Variants in STRN3 observed in about 807,000 individuals in gnomAD.
STRN3 encodes striatin 3, also known as striatin-3.
In STRN3, 29 loss-of-function variants were observed where a neutral mutation model predicts 95.6. That is an observed-to-expected ratio of 0.30 (90% confidence interval 0.23 to 0.41). STRN3 has a LOEUF of 0.41. Ranked by LOEUF, STRN3 falls within the 10% of genes least tolerant of loss-of-function variation. The probability of loss-of-function intolerance (pLI) is 1.00; values close to 1 mark genes in which losing one functional copy is unlikely to be tolerated. For missense variants in STRN3, 890 were observed against 972.1 expected (o/e 0.92, Z 1.12); for synonymous variants, 331 against 357.6 (o/e 0.93, Z 0.84).
At chr14:30,962,080 T>A (rs978139984) in intron 1 of STRN3, among the ~76,000 whole-genome samples, 3 of 152,138 alleles carry the variant, frequency 2.0e-5, no homozygotes, top group African/African-American at 7.2e-5. Context: ...GATGTGGAGG[T>A]AGAAGACAAT....
chr14:30,976,117 G>A (rs1881091955), intron 1 of STRN3, among the ~76,000 whole-genome samples: 1 of 152,036 alleles, frequency 6.6e-6, no homozygotes, highest in African/African-American at 2.4e-5. Context: ...AATCAAAAGA[G>A]ACTGTTGTAG....
At chr14:30,969,369 G>A (rs1163839363) in intron 1 of STRN3, among the ~76,000 whole-genome samples, 1 of 151,936 alleles carries the variant, frequency 6.6e-6, no homozygotes, top group African/African-American at 2.4e-5. Context: ...CCCGGGAGGC[G>A]GAGCTTGCAA....
chr14:31,001,080 T>C (rs187194290), intron 1 of STRN3, among the ~76,000 whole-genome samples: 67 of 152,288 alleles, frequency 4.4e-4, no homozygotes, highest in African/African-American at 1.6e-3. Flanking sequence ...CCTAGCTGTG[T>C]TGGATGCTTC....
chr14:30,895,444 T>C lies in STRN3; in HGVS notation c.2361A>G (p.Ala787=), dbSNP rs1437217746. 1 of 1,612,122 alleles carries C rather than the reference T, an allele frequency of 6.2e-7. No homozygotes were observed. The part of the protein sequence containing the change: ...FHSSKAYIAS[A]GADALAKVFV ...ATACTTTGGCAAGAGCATCAGCTCC[T>C]GCACTAGCTATATATGCTTTTGACG... Residue 787 remains alanine, a synonymous_variant, in exon 18 of 18, where the codon GCA becomes GCG. Coordinates refer to ENST00000357479, the MANE Select transcript of STRN3 (RefSeq NM_001083893.2).
chr14:31,003,873 G>A (rs1372427068), intron 1 of STRN3, among the ~76,000 whole-genome samples: 1 of 151,266 alleles, frequency 6.6e-6, no homozygotes, highest in East Asian at 1.9e-4. Flanking sequence ...AGTTGGCTAG[G>A]AATGGTGGTT....
intron 1 of STRN3, chr14:31,018,460 CCTGA>C (rs1323812443): frequency 4.8e-6 from 2 of 419,924 alleles, no homozygotes; most frequent in African/African-American, 4.1e-5. Context: ...CACACCTCCT[CCTGA>C]CTGTCACCGT....
At chr14:30,993,151 T>G (rs1187222977) in intron 1 of STRN3, among the ~76,000 whole-genome samples, 2 of 151,916 alleles carry the variant, frequency 1.3e-5, no homozygotes, top group East Asian at 3.9e-4. Flanking sequence ...GTCCCAGCTA[T>G]TATACTTGGC....
intron 7 of STRN3, among the ~76,000 whole-genome samples, chr14:30,934,179 C>T (rs1878701869): frequency 6.6e-6 from 1 of 152,128 alleles, no homozygotes; most frequent in African/African-American, 2.4e-5. Flanking sequence ...CAAAGAGTAG[C>T]TGGGTGTGGT....
intron 1 of STRN3, among the ~76,000 whole-genome samples, chr14:30,962,972 A>G (rs1363231872): frequency 6.6e-6 from 1 of 152,200 alleles, no homozygotes; most frequent in Non-Finnish European, 1.5e-5. Context: ...ACATAGCCCA[A>G]GTGCAGGCTA....
At chr14:30,917,459 T>G (rs1252849472) in intron 9 of STRN3, among the ~76,000 whole-genome samples, 1 of 151,942 alleles carries the variant, frequency 6.6e-6, no homozygotes, top group South Asian at 2.1e-4. Context: ...GCACTTTAAA[T>G]GTACATTAAT....
In STRN3 at chr14:31,026,193, G is replaced by A. The variant is rs1431298886; in HGVS notation, c.-8C>T. 3.5e-6 allele frequency: 5 copies of A among 1,429,010 alleles called. No homozygotes were observed. The highest frequency in any genetic ancestry group is 3.1e-5 in the Admixed American group (1 of 32,610). The allele number at this position is 1,429,010 out of a possible 1,614,324, so 88.5% of individuals were successfully genotyped here. On this transcript the variant is annotated 5_prime_UTR_variant, in exon 1 of 18. Coordinates refer to ENST00000357479, the MANE Select transcript of STRN3 (RefSeq NM_001083893.2). ...TCCGGCAAGCTCGTCCATTGTGTGT[G>A]GGGCCCCGGCCGGGGCGCAGGGCGA...
chr14:30,928,999 A>G (rs550232624), intron 8 of STRN3, among the ~76,000 whole-genome samples: 1 of 152,290 alleles, frequency 6.6e-6, no homozygotes, highest in Admixed American at 6.5e-5. Flanking sequence ...CCCTTCTCAT[A>G]TATTTTAAAT....
At chr14:31,000,998 C>T (rs1232095938) in intron 1 of STRN3, among the ~76,000 whole-genome samples, 6 of 152,070 alleles carry the variant, frequency 3.9e-5, no homozygotes, top group South Asian at 2.1e-4. Flanking sequence ...CTATTGTCTC[C>T]GTTAAGTAGG....
chr14:30,946,820 A>G (rs1330330081), intron 5 of STRN3, among the ~76,000 whole-genome samples: 1 of 152,072 alleles, frequency 6.6e-6, no homozygotes, highest in African/African-American at 2.4e-5. Context: ...TCTACTAAAA[A>G]TACAAAAAAT....
At chr14:30,962,100 C>T (rs1880236327) in intron 1 of STRN3, among the ~76,000 whole-genome samples, 1 of 152,124 alleles carries the variant, frequency 6.6e-6, no homozygotes, top group South Asian at 2.1e-4. Flanking sequence ...TGATATTAAC[C>T]TAGGCCTTCC....
At chr14:30,933,943 C>A (rs1045416988) in intron 7 of STRN3, among the ~76,000 whole-genome samples, 1 of 152,004 alleles carries the variant, frequency 6.6e-6, no homozygotes, top group African/African-American at 2.4e-5. Context: ...TTTTAAAATC[C>A]AAGTGTTTGC....
rs566337052 is a variant in STRN3, at chr14:30,959,752, G to A, written c.283-3510C>T. On this transcript the variant is annotated intron_variant, in intron 1 of 17. Coordinates refer to ENST00000357479, the MANE Select transcript of STRN3 (RefSeq NM_001083893.2). ...GTGGGGGAGAATTGCTTGAGCCAGGGACTTCGAGACCAGCCTGGGCAACAC... is the reference window on the plus strand; with the variant it reads ...GTGGGGGAGAATTGCTTGAGCCAGGAACTTCGAGACCAGCCTGGGCAACAC... Among the ~76,000 whole-genome samples the A allele has an allele frequency of 3.1e-3, 476 of 152,100 alleles. 2 individuals carry two copies. Among genetic ancestry groups the A allele is most frequent in the African/African-American group, 0.011 (452 of 41,488 alleles).
Position 30,957,229 on chromosome 14 carries a change from T to G in STRN3, c.283-987A>C, listed in dbSNP as rs1018584895. Reference sequence around the variant, plus strand: ...CAGCACTTTGGGAGGCCGAGGCGGGTGGATCACGAGGTCAGGAGATCGAGA... The same window carrying G: ...CAGCACTTTGGGAGGCCGAGGCGGGGGGATCACGAGGTCAGGAGATCGAGA... On this transcript the variant is annotated intron_variant, in intron 1 of 17. Transcript: ENST00000357479. Among the ~76,000 whole-genome samples the G allele has an allele frequency of 2.0e-5, 3 of 151,528 alleles. No individual in the cohort carries two copies. In the East Asian group the frequency reaches 5.8e-4, roughly 29 times the overall value.
At position 30,895,659 on chromosome 14, in the gene STRN3, T is replaced by C; in HGVS notation, c.2224+3A>G. The stretch of plus-strand genomic sequence containing the variant: ...GTGGGCAGTACAGGACTTTAAGACT[T>C]ACTTCCAGACATCAAATAGATTCCA... On this transcript the variant is annotated splice_donor_region_variant and intron_variant, in intron 17 of 17. Coordinates refer to ENST00000357479, the MANE Select transcript of STRN3 (RefSeq NM_001083893.2). 1 of 1,612,702 alleles carries C rather than the reference T, an allele frequency of 6.2e-7. No individual in the cohort carries two copies. Among genetic ancestry groups the C allele is most frequent in the African/African-American group, 1.3e-5 (1 of 74,940 alleles).
Sources: gnomAD v4.1 joint callset for allele counts (sites outside exome capture counted in the v4.1 genomes callset) on GRCh38, gnomAD v4.1.1 for gene constraint, MANE v1.5 for transcripts, NCBI Gene and HGNC (gene_info 2026-07-23, HGNC 2026-07-21) for gene names.